The following SCMH1 variants were observed in gnomAD, a reference collection of about 807,000 sequenced individuals.
SCMH1 encodes the protein polycomb protein SCMH1.
SCMH1 carries 37 observed loss-of-function variants against 70.8 expected under a neutral mutation model. The observed-to-expected ratio is 0.52, with a 90% confidence interval of 0.40 to 0.69. The LOEUF (loss-of-function observed/expected upper bound fraction) is 0.69, where lower values mean the gene tolerates loss of function less well. SCMH1 is among the 30% of genes least tolerant of loss of function. The probability of loss-of-function intolerance (pLI) is 0.00; values close to 1 mark genes in which losing one functional copy is unlikely to be tolerated. For missense variants in SCMH1, 607 were observed against 827.3 expected (o/e 0.73, Z 3.27); for synonymous variants, 292 against 307.4 (o/e 0.95, Z 0.52).
At chr1:41,187,262 G>T (rs1004825918) in intron 1 of SCMH1, among the ~76,000 whole-genome samples, 10 of 151,872 alleles carry the variant, frequency 6.6e-5, no homozygotes, top group African/African-American at 2.2e-4. Context: ...AGGAGTTCGA[G>T]ACCAGCCTGG....
At chr1:41,131,947 A>T (rs1328555627) in intron 6 of SCMH1, among the ~76,000 whole-genome samples, 1 of 152,108 alleles carries the variant, frequency 6.6e-6, no homozygotes, top group Non-Finnish European at 1.5e-5. Flanking sequence ...CCAGTCTATT[A>T]TTGATGGATA....
chr1:41,075,027 T>G (rs1657817804), intron 9 of SCMH1, among the ~76,000 whole-genome samples, 192 bp downstream of exon 9: 1 of 152,180 alleles, frequency 6.6e-6, no homozygotes, highest in Non-Finnish European at 1.5e-5. Flanking sequence ...CACGCCTGGT[T>G]AATTTTTTGT....
At chr1:41,187,459 C>CAAA (rs34070758) in intron 1 of SCMH1, among the ~76,000 whole-genome samples, 1 of 128,850 alleles carries the variant, frequency 7.8e-6, no homozygotes, top group African/African-American at 3.1e-5. Context: ...GAGACTTGGT[C>CAAA]AAAAAAAAAA....
rs1195222298 is a variant in SCMH1, at chr1:41,065,742, C to T, written c.1105+4853G>A. On this transcript the variant is annotated intron_variant, in intron 10 of 14. Coordinates refer to ENST00000337495, the Ensembl canonical transcript of SCMH1. The stretch of plus-strand genomic sequence containing the variant: ...GAGAGTCTTTTCAACAAATGGTTCT[C>T]AAACAACTGAACATTCACATGTAAA... 2.0e-5 allele frequency among the ~76,000 whole-genome samples: 3 copies of T among 152,086 alleles called. No homozygotes were observed. In the East Asian group the frequency reaches 5.8e-4, roughly 29 times the overall value.
intron 9 of SCMH1, among the ~76,000 whole-genome samples, chr1:41,073,307 C>T (rs1304008765): frequency 2.0e-5 from 3 of 152,032 alleles, no homozygotes; most frequent in Admixed American, 2.0e-4. Context: ...CTTGAGTTTC[C>T]ATTTATTGGT....
chr1:41,168,284 G>A (rs1294034211), intron 2 of SCMH1, among the ~76,000 whole-genome samples: 1 of 151,944 alleles, frequency 6.6e-6, no homozygotes, highest in Admixed American at 6.5e-5. Context: ...TCCACTTGAT[G>A]GTGTCCCACA....
chr1:41,177,052 A>G (rs977095432), intron 2 of SCMH1, among the ~76,000 whole-genome samples: 8 of 152,190 alleles, frequency 5.3e-5, no homozygotes, highest in Non-Finnish European at 4.4e-5. Flanking sequence ...CTTCCAGAGG[A>G]ACGATCAGGC....
chr1:41,155,626 A>C (rs1645455353), intron 4 of SCMH1, among the ~76,000 whole-genome samples: 1 of 152,186 alleles, frequency 6.6e-6, no homozygotes, highest in South Asian at 2.1e-4. Context: ...AGTAAGAGGT[A>C]AAGAAGGTGT....
At chr1:41,236,098 C>A (rs567484289) in intron 1 of SCMH1, among the ~76,000 whole-genome samples, 6 of 152,152 alleles carry the variant, frequency 3.9e-5, no homozygotes, top group Admixed American at 2.6e-4. Flanking sequence ...AGGGTATATA[C>A]CTAGGAGTGG....
chr1:41,155,559 C>G (rs1263955904), intron 4 of SCMH1, among the ~76,000 whole-genome samples: 1 of 151,906 alleles, frequency 6.6e-6, no homozygotes, highest in Admixed American at 6.6e-5. Flanking sequence ...CAGAGGGTAA[C>G]AGAGACACCA....
chr1:41,210,330 C>T (rs1656702759), intron 1 of SCMH1, among the ~76,000 whole-genome samples: 1 of 152,172 alleles, frequency 6.6e-6, no homozygotes, highest in African/African-American at 2.4e-5. Flanking sequence ...CTACCAATGA[C>T]TTTCTTTGCA....
chr1:41,236,017 A>T (rs1662303461), intron 1 of SCMH1, among the ~76,000 whole-genome samples: 1 of 152,136 alleles, frequency 6.6e-6, no homozygotes, highest in African/African-American at 2.4e-5. Context: ...ACTAGTTCAA[A>T]TTTTTTGCTG....
chr1:41,205,797 G>A (rs911225935), intron 1 of SCMH1, among the ~76,000 whole-genome samples: 1 of 152,216 alleles, frequency 6.6e-6, no homozygotes, highest in African/African-American at 2.4e-5. Flanking sequence ...CATACAGGCA[G>A]GGGCCCCTCT....
At chr1:41,069,139 C>T (rs1020464250) in intron 10 of SCMH1, among the ~76,000 whole-genome samples, 7 of 152,092 alleles carry the variant, frequency 4.6e-5, no homozygotes, top group Admixed American at 1.3e-4. Flanking sequence ...AAAGTAATCA[C>T]GGTATACTAC....
At chr1:41,089,793 T>C (rs929982012) in intron 8 of SCMH1, among the ~76,000 whole-genome samples, 4 of 114,684 alleles carry the variant, frequency 3.5e-5, no homozygotes, top group Non-Finnish European at 6.9e-5. Flanking sequence ...GTCTCTTTTT[T>C]TTTTTTTTTT....
chr1:41,083,209 T>C (rs1278462462), intron 8 of SCMH1, among the ~76,000 whole-genome samples: 2 of 152,222 alleles, frequency 1.3e-5, no homozygotes. Context: ...AGGACATGAT[T>C]GTATATCTAG....
intron 8 of SCMH1, among the ~76,000 whole-genome samples, chr1:41,085,877 G>GT (rs200054005): frequency 0.17 from 19,550 of 116,222 alleles, 1,671 homozygotes; most frequent in Middle Eastern, 0.4. Flanking sequence ...GTCTTGCTCT[G>GT]TTGCCCAGGC....
intron 1 of SCMH1, among the ~76,000 whole-genome samples, 169 bp downstream of exon 1, chr1:41,241,889 GC>G (rs1233822705): frequency 6.6e-6 from 1 of 151,794 alleles, no homozygotes; most frequent in Non-Finnish European, 1.5e-5. Flanking sequence ...AAAGGGCCCA[GC>G]CCCGCGCGGA....
intron 1 of SCMH1, among the ~76,000 whole-genome samples, chr1:41,223,500 G>A (rs868040906): frequency 1.3e-5 from 2 of 151,468 alleles, no homozygotes; most frequent in South Asian, 4.2e-4. Context: ...TTGTGTGAGA[G>A]TCGTAATTTT....
Sources: allele counts gnomAD v4.1 joint callset (sites outside exome capture counted in the v4.1 genomes callset), GRCh38; gene constraint gnomAD v4.1.1; transcripts MANE v1.5; gene names NCBI Gene and HGNC (gene_info 2026-07-23, HGNC 2026-07-21).